The following GATA6 variants were observed in gnomAD, a reference collection of about 807,000 sequenced individuals.
GATA6 encodes the protein transcription factor GATA-6.
In GATA6, 11 loss-of-function variants were observed where a neutral mutation model predicts 48.1. That is an observed-to-expected ratio of 0.23 (90% CI 0.14 to 0.38). GATA6 has a LOEUF of 0.38. Ranked by LOEUF, GATA6 falls within the 10% of genes least tolerant of loss-of-function variation. The pLI is 1.00. For missense variants in GATA6, 795 were observed against 850.3 expected (o/e 0.93, Z 0.81); for synonymous variants, 419 against 396.1 (o/e 1.06, Z -0.69).
In GATA6 at chr18:22,182,295, T is replaced by G. The variant is rs566869501; in HGVS notation, c.1429-462T>G. ...TTTGATGAGGAAAGTGTAGTCTTTG[T>G]GCACTTGGGATCTTGAGTGTGTATA... On this transcript the variant is annotated intron_variant, in intron 4 of 6. Coordinates refer to ENST00000269216, the MANE Select transcript of GATA6 (RefSeq NM_005257.6). Among the ~76,000 whole-genome samples the G allele has an allele frequency of 1.8e-4, 28 of 152,280 alleles. No individual in the cohort carries two copies. In the South Asian group the frequency reaches 5.6e-3, roughly 30 times the overall value.
intron 6 of GATA6, among the ~76,000 whole-genome samples, chr18:22,197,533 G>A (rs2033406018): frequency 6.6e-6 from 1 of 152,254 alleles, no homozygotes; most frequent in East Asian, 1.9e-4. Flanking sequence ...TTCTGAACAG[G>A]CCAGGTGACC....
At chr18:22,173,575 G>A (rs1467836038) in intron 2 of GATA6, among the ~76,000 whole-genome samples, 1 of 152,194 alleles carries the variant, frequency 6.6e-6, no homozygotes, top group Non-Finnish European at 1.5e-5. Flanking sequence ...AATGCAAGTG[G>A]TCTGAAAGAG....
chr18:22,200,721 T>C lies in GATA6; in HGVS notation c.1686T>C (p.Tyr562=). Residue 562 remains tyrosine, a synonymous_variant, in exon 7 of 7, where the codon TAT becomes TAC. Coordinates refer to ENST00000269216, the MANE Select transcript of GATA6 (RefSeq NM_005257.6). ...ATCCCGAGAACAGCGAGCTCAAGTA[T>C]TCGGGTCAAGATGGGCTCTACATAG... ...STNPENSELK[Y]SGQDGLYIGV... 2 of 1,614,168 alleles carry C rather than the reference T, an allele frequency of 1.2e-6. No individual in the cohort carries two copies. Among genetic ancestry groups the C allele is most frequent in the Non-Finnish European group, 1.7e-6 (2 of 1,180,030 alleles).
intron 6 of GATA6, among the ~76,000 whole-genome samples, chr18:22,196,739 C>A (rs140745952): frequency 2.0e-5 from 3 of 149,514 alleles, no homozygotes; most frequent in African/African-American, 7.7e-5. Context: ...AAGACCCTGT[C>A]TCAAAAATAA....
intron 6 of GATA6, among the ~76,000 whole-genome samples, chr18:22,200,176 A>AGT (rs59255780): frequency 0.043 from 6,446 of 150,406 alleles, 324 homozygotes; most frequent in African/African-American, 0.12. Flanking sequence ...GCCTTGTTAG[A>AGT]GTGTGTGTGT....
rs1941083 is a variant in GATA6, at chr18:22,200,900, A to G, written c.*77A>G. Reference sequence around the variant, plus strand: ...CGTGTCTGCTTTTGTGCAGCGGTCCAGACAGTGGCGACTGCGCTGACAGAA... The same window carrying G: ...CGTGTCTGCTTTTGTGCAGCGGTCCGGACAGTGGCGACTGCGCTGACAGAA... On this transcript the variant is annotated 3_prime_UTR_variant, in exon 7 of 7. Transcript: ENST00000269216. 202,659 of 1,449,538 alleles carry G rather than the reference A, an allele frequency of 0.14. 14,946 individuals carry two copies. The highest frequency in any genetic ancestry group is 0.22 in the Admixed American group (11,210 of 50,656). 89.8% of individuals were successfully genotyped at this position (1,449,538 alleles called of 1,614,324 possible). A position where few individuals can be genotyped will look rare whatever the true frequency, so the allele number is the denominator to read the frequency against.
chr18:22,198,409 A>G (rs1480429641), intron 6 of GATA6, among the ~76,000 whole-genome samples: 2 of 152,190 alleles, frequency 1.3e-5, no homozygotes, highest in Non-Finnish European at 2.9e-5. Flanking sequence ...TGGTGGTGAC[A>G]GATCCCTCTG....
At position 22,171,575 on chromosome 18, in the gene GATA6, C is replaced by T; in HGVS notation, c.431C>T (p.Pro144Leu). ...AKLSPFAPEQ[P>L]EEMYQTLAAL... The stretch of plus-strand genomic sequence containing the variant: ...CTGAGCCCCTTCGCACCCGAGCAGC[C>T]GGAGGAGATGTACCAGACCCTCGCC... Residue 144 changes from proline (P) to leucine (L), a missense_variant, in exon 2 of 7, where the codon CCG (proline) becomes CTG (leucine). Around this residue, in one of 5 missense-constraint regions of GATA6, gnomAD observed 591 missense variants for 570.0 expected, o/e 1.04. Transcript: ENST00000269216. This position sits in a 1 kb window ranked among gnomAD's most constrained non-coding sequence, Gnocchi z 7.1. The T allele has an allele frequency of 1.2e-6, 2 of 1,602,610 alleles. No individual in the cohort carries two copies. Among genetic ancestry groups the T allele is most frequent in the Non-Finnish European group, 1.7e-6 (2 of 1,179,322 alleles).
chr18:22,185,518 C>T lies in GATA6; in HGVS notation c.1620+2475C>T, dbSNP rs926113982. ...GAAACACTGACTGCCATTACCAGGG[C>T]AGGGGGTAGGGTTGCTGGCCTGCCT... On this transcript the variant is annotated intron_variant, in intron 6 of 6. Coordinates refer to ENST00000269216, the MANE Select transcript of GATA6 (RefSeq NM_005257.6). This position sits in a 1 kb window ranked among gnomAD's most constrained non-coding sequence, Gnocchi z 4.3. 6.6e-6 allele frequency among the ~76,000 whole-genome samples: 1 copy of T among 152,236 alleles called. No individual in the cohort carries two copies. The highest frequency in any genetic ancestry group is 1.5e-5 in the Non-Finnish European group (1 of 68,044).
Position 22,201,027 on chromosome 18 carries a change from T to A in GATA6, c.*204T>A. 1 of 687,074 alleles carries A rather than the reference T, an allele frequency of 1.5e-6. No individual in the cohort carries two copies. Among genetic ancestry groups the A allele is most frequent in the Non-Finnish European group, 2.4e-6 (1 of 417,516 alleles). The allele number at this position is 687,074 out of a possible 1,614,324, so 42.6% of individuals were successfully genotyped here. A position where few individuals can be genotyped will look rare whatever the true frequency, so the allele number is the denominator to read the frequency against. On this transcript the variant is annotated 3_prime_UTR_variant, in exon 7 of 7. Transcript: ENST00000269216. ...GGAAGGGCCAGTGCAACTGGGCGCT[T>A]GGGCCACTCCAGCCAGCCCGCCTCC...
At chr18:22,200,574 T>C (rs2033447749) in intron 6 of GATA6, 82 bp from the exon 7 acceptor site, 1 of 1,564,082 alleles carries the variant, frequency 6.4e-7, no homozygotes, top group Non-Finnish European at 8.8e-7. Context: ...GACCCGTTCA[T>C]TAGCTCCCAT....
intron 6 of GATA6, among the ~76,000 whole-genome samples, chr18:22,184,168 T>C (rs2033233063): frequency 2.0e-5 from 3 of 152,212 alleles, no homozygotes; most frequent in Admixed American, 1.3e-4. Context: ...ACTGTATTTT[T>C]ACTGGCTTTA....
At chr18:22,176,367 C>G (rs559814563) in intron 2 of GATA6, 1 of 152,316 alleles carries the variant, frequency 6.6e-6, no homozygotes, top group South Asian at 2.1e-4. Flanking sequence ...TTCTAACTAA[C>G]GTAGGTGCCT....
intron 6 of GATA6, among the ~76,000 whole-genome samples, chr18:22,187,343 G>T (rs1403611619): frequency 6.6e-6 from 1 of 152,028 alleles, no homozygotes; most frequent in Admixed American, 6.6e-5. Flanking sequence ...AGCCAGGCAC[G>T]GTGGCGCATG....
In GATA6 at chr18:22,182,820, A is replaced by T; in HGVS notation, c.1492A>T (p.Ile498Leu). 1 of 1,614,054 alleles carries T rather than the reference A, an allele frequency of 6.2e-7. No homozygotes were observed. Among genetic ancestry groups the T allele is most frequent in the South Asian group, 1.1e-5 (1 of 91,080 alleles). Residue 498 changes from isoleucine to leucine, a missense_variant, in exon 5 of 7, where the codon ATA becomes TTA. Coordinates refer to ENST00000269216, the MANE Select transcript of GATA6 (RefSeq NM_005257.6). ...AACCAGGAAACGAAAACCTAAGAAC[A>T]TAAATAAATCAAAGACTTGCTCTGG... ...IQTRKRKPKN[I>L]NKSKTCSGNS...
At chr18:22,173,722 ATC>A (rs1198187623) in intron 2 of GATA6, among the ~76,000 whole-genome samples, 1 of 151,832 alleles carries the variant, frequency 6.6e-6, no homozygotes, top group Non-Finnish European at 1.5e-5. Flanking sequence ...GCTCACTGTA[ATC>A]TCTGTCTCCC....
At chr18:22,199,900 CAAAAAAAA>C (rs35638046) in intron 6 of GATA6, among the ~76,000 whole-genome samples, 2 of 68,356 alleles carry the variant, frequency 2.9e-5, no homozygotes, top group Admixed American at 1.7e-4. Flanking sequence ...GACTCTGTTT[CAAAAAAAA>C]AAAAAAAAAA....
rs1345421522 is a variant in GATA6 at position 22,171,998 on chromosome 18, C to A, written c.854C>A (p.Ala285Glu). 8 of 1,229,734 alleles carry A rather than the reference C, an allele frequency of 6.5e-6. No homozygotes were observed. Among genetic ancestry groups the A allele is most frequent in the Non-Finnish European group, 8.1e-6 (8 of 987,918 alleles). The allele number at this position is 1,229,734 out of a possible 1,614,324, so 76.2% of individuals were successfully genotyped here. A position where few individuals can be genotyped will look rare whatever the true frequency, so the allele number is the denominator to read the frequency against. Residue 285 changes from alanine to glutamate, a missense_variant, in exon 2 of 7, where the codon GCG becomes GAG. Around this residue, in one of 5 missense-constraint regions of GATA6, gnomAD observed 591 missense variants for 570.0 expected, o/e 1.04. Transcript: ENST00000269216. The surrounding 1 kb of genome is among the most constrained non-coding windows in gnomAD (Gnocchi z 7.1). ...CGGGAGCCGGGAGGCTACGCGGCGG[C>A]GGGCAGTGGGGGCGCGGGAGGCGTG... is the stretch of plus-strand genomic sequence containing the variant. ...AAREPGGYAA[A>E]GSGGAGGVSG...
chr18:22,178,513 C>T (rs895918651), intron 3 of GATA6, among the ~76,000 whole-genome samples: 3 of 152,188 alleles, frequency 2.0e-5, no homozygotes, highest in African/African-American at 7.2e-5. Context: ...ATTTGTTATA[C>T]TCTAATTAGC....
Sources: allele counts gnomAD v4.1 joint callset (sites outside exome capture counted in the v4.1 genomes callset), GRCh38; gene constraint gnomAD v4.1.1; regional missense constraint gnomAD v4.1.1; non-coding constraint Gnocchi (gnomAD v3.1); transcripts MANE v1.5; gene names NCBI Gene and HGNC (gene_info 2026-07-23, HGNC 2026-07-21).